PTPRD: variants seen among roughly 807,000 people sequenced by gnomAD.
The protein encoded by PTPRD is protein tyrosine phosphatase receptor type D, also known as receptor-type tyrosine-protein phosphatase delta.
In PTPRD, 34 loss-of-function variants were observed where a neutral mutation model predicts 214.5. The observed-to-expected ratio is 0.16, with a 90% confidence interval of 0.12 to 0.21. PTPRD has a LOEUF of 0.21. Among genes scored for constraint, PTPRD ranks in the 10% least tolerant of loss-of-function variants. The pLI is 1.00. For synonymous variants in PTPRD, 1,128 were observed against 845.7 expected (o/e 1.33, Z -5.79); for missense variants, 2,545 against 2,398.7 (o/e 1.06, Z -1.27).
intron 10 of PTPRD, among the ~76,000 whole-genome samples, chr9:9,054,507 G>C (rs973499333): frequency 1.3e-5 from 2 of 152,078 alleles, no homozygotes; most frequent in Non-Finnish European, 1.5e-5. Flanking sequence ...TTCATGACTT[G>C]CTAAGGTCAA....
chr9:10,460,326 T>A (rs1031004447), intron 2 of PTPRD, among the ~76,000 whole-genome samples: 1 of 151,764 alleles, frequency 6.6e-6, no homozygotes, highest in African/African-American at 2.4e-5. Context: ...ATAGATTCAA[T>A]GCAGTCCCTA....
chr9:8,948,451 ATT>A lies in PTPRD; in HGVS notation c.-104+70244_-104+70245del, dbSNP rs1567181919. On this transcript the variant is annotated intron_variant, in intron 11 of 45. Transcript: ENST00000381196. The stretch of plus-strand genomic sequence containing the variant: ...TATATATATATTTACATATATATAT[ATT>A]TATATATATATTTACATATATATAT... Among the ~76,000 whole-genome samples, 45 of 15,110 alleles carry A rather than the reference ATT, an allele frequency of 3.0e-3. 5 individuals are homozygous for A. Among genetic ancestry groups the A allele is most frequent in the African/African-American group, 3.9e-3 (28 of 7,238 alleles). 9.9% of individuals were successfully genotyped at this position (15,110 alleles called of 152,430 possible).
intron 33 of PTPRD, among the ~76,000 whole-genome samples, chr9:8,451,090 C>G (rs149879427): frequency 4.6e-5 from 7 of 152,274 alleles, no homozygotes; most frequent in African/African-American, 1.2e-4. Flanking sequence ...TGTTAAATAG[C>G]CTTTCTTCCC....
At chr9:8,593,543 A>T (rs967996284) in intron 14 of PTPRD, among the ~76,000 whole-genome samples, 2 of 152,164 alleles carry the variant, frequency 1.3e-5, no homozygotes, top group Non-Finnish European at 2.9e-5. Flanking sequence ...CTTTTTGTAA[A>T]CTCCTACTTC....
At chr9:8,703,507 G>C (rs1268523777) in intron 12 of PTPRD, among the ~76,000 whole-genome samples, 2 of 152,108 alleles carry the variant, frequency 1.3e-5, no homozygotes, top group Non-Finnish European at 2.9e-5. Flanking sequence ...CAGCATTTGA[G>C]AGCAGCTTTC....
intron 3 of PTPRD, among the ~76,000 whole-genome samples, chr9:10,239,899 T>C (rs62539665): frequency 0.13 from 20,272 of 151,824 alleles, 1,420 homozygotes; most frequent in African/African-American, 0.14. Context: ...AGAACCCTTT[T>C]TCCCCAAAGC....
chr9:8,545,995 C>G lies in PTPRD; in HGVS notation c.353-17216G>C, dbSNP rs565931060. ...CTATCCAAGCACATAATATCACCAACCTCTTTAGTTTTCATAAGAAGATGT... is the reference window on the plus strand; with the variant it reads ...CTATCCAAGCACATAATATCACCAAGCTCTTTAGTTTTCATAAGAAGATGT... On this transcript the variant is annotated intron_variant, in intron 14 of 45. Coordinates refer to ENST00000381196, the MANE Select transcript of PTPRD (RefSeq NM_002839.4). Among the ~76,000 whole-genome samples the G allele has an allele frequency of 3.5e-4, 54 of 152,306 alleles. No homozygotes were observed. In the South Asian group the frequency reaches 4.6e-3, roughly 13 times the overall value.
intron 3 of PTPRD, among the ~76,000 whole-genome samples, chr9:10,323,606 G>A (rs1167699455): frequency 6.6e-6 from 1 of 151,670 alleles, no homozygotes; most frequent in African/African-American, 2.4e-5. Context: ...CAAAGATGGA[G>A]GGGCATCAAT....
At chr9:9,405,709 T>G (rs977475269) in intron 8 of PTPRD, among the ~76,000 whole-genome samples, 1 of 152,068 alleles carries the variant, frequency 6.6e-6, no homozygotes, top group African/African-American at 2.4e-5. Flanking sequence ...TTGTGGTTGG[T>G]GCAAAATCGA....
At chr9:9,003,755 C>G (rs965207246) in intron 11 of PTPRD, among the ~76,000 whole-genome samples, 4 of 152,000 alleles carry the variant, frequency 2.6e-5, no homozygotes, top group African/African-American at 9.7e-5. Context: ...TCGAACTGGC[C>G]TGTGATAGCT....
chr9:8,430,947 C>T (rs2095006633), intron 35 of PTPRD, among the ~76,000 whole-genome samples: 1 of 152,204 alleles, frequency 6.6e-6, no homozygotes, highest in African/African-American at 2.4e-5. Context: ...TTGACAACTA[C>T]AAACTCCAGA....
intron 4 of PTPRD, among the ~76,000 whole-genome samples, chr9:9,991,469 C>A (rs1367419177): frequency 1.3e-5 from 2 of 151,802 alleles, no homozygotes; most frequent in African/African-American, 4.8e-5. Context: ...TCAAGCAATT[C>A]TCCTGCCTCA....
intron 2 of PTPRD, among the ~76,000 whole-genome samples, chr9:10,570,434 C>T (rs2067063406): frequency 6.6e-6 from 1 of 152,046 alleles, no homozygotes; most frequent in Non-Finnish European, 1.5e-5. Flanking sequence ...AATAAGGCAA[C>T]ATAATTACTA....
At chr9:9,578,834 T>C (rs969815948) in intron 7 of PTPRD, among the ~76,000 whole-genome samples, 15 of 152,122 alleles carry the variant, frequency 9.9e-5, no homozygotes, top group African/African-American at 3.6e-4. Flanking sequence ...TGAAGTTAAC[T>C]AAATTCAGAA....
At chr9:10,191,160 T>G (rs1158741877) in intron 3 of PTPRD, among the ~76,000 whole-genome samples, 1 of 152,074 alleles carries the variant, frequency 6.6e-6, no homozygotes, top group South Asian at 2.1e-4. Flanking sequence ...ATATGCTCAT[T>G]TGAATAAGAA....
chr9:10,333,767 T>C (rs1253807581), intron 3 of PTPRD, among the ~76,000 whole-genome samples: 1 of 151,840 alleles, frequency 6.6e-6, no homozygotes, highest in Non-Finnish European at 1.5e-5. Flanking sequence ...AAAAGTCTTA[T>C]TTCTTCTCCT....
intron 3 of PTPRD, among the ~76,000 whole-genome samples, chr9:10,053,972 T>G (rs2097578877): frequency 6.6e-6 from 1 of 152,132 alleles, no homozygotes; most frequent in African/African-American, 2.4e-5. Context: ...TTGGCCAGGC[T>G]GGTTTTGAAC....
At chr9:8,349,025 T>A (rs2074656069) in intron 39 of PTPRD, among the ~76,000 whole-genome samples, 1 of 149,624 alleles carries the variant, frequency 6.7e-6, no homozygotes, top group Admixed American at 6.8e-5. Context: ...TTGAAGGTGC[T>A]CAACTCGAGT....
Position 8,739,299 on chromosome 9 carries a change from T to G in PTPRD, c.-103-5353A>C, listed in dbSNP as rs1332910553. 2.0e-5 allele frequency among the ~76,000 whole-genome samples: 3 copies of G among 152,210 alleles called. No individual in the cohort carries two copies. The East Asian group carries it at 5.8e-4, about 29-fold the overall frequency. The stretch of plus-strand genomic sequence containing the variant: ...TCAACATTTCACTGACTTGTGGATT[T>G]TCCAAGAGAAGGGAGCCATCTAAAT... On this transcript the variant is annotated intron_variant, in intron 11 of 45. Coordinates refer to ENST00000381196, the MANE Select transcript of PTPRD (RefSeq NM_002839.4).
Sources: allele counts gnomAD v4.1 joint callset (sites outside exome capture counted in the v4.1 genomes callset), GRCh38; gene constraint gnomAD v4.1.1; transcripts MANE v1.5; gene names NCBI Gene and HGNC (gene_info 2026-07-23, HGNC 2026-07-21).